Variants in CHMP4B observed in about 807,000 individuals in gnomAD.
CHMP4B encodes the protein SNF7 homolog associated with Alix 1.
A neutral mutation model predicts 25.1 loss-of-function variants in CHMP4B; 1 was observed. The ratio of observed to expected loss-of-function variants is 0.04; its 90% confidence interval spans 0.01 to 0.19. The LOEUF (loss-of-function observed/expected upper bound fraction) is 0.19. Ranked by LOEUF, CHMP4B falls within the 10% of genes least tolerant of loss-of-function variation. The pLI is 1.00. For synonymous variants in CHMP4B, 101 were observed against 115.6 expected, an observed-to-expected ratio of 0.87 and a Z score of 0.81; for missense variants, 151 against 289.7, an observed-to-expected ratio of 0.52 and a Z score of 3.48.
rs2626522 is a variant in CHMP4B at position 33,811,394 on chromosome 20, C to G, written c.-75C>G. On this transcript the variant is annotated 5_prime_UTR_variant, in exon 1 of 5. Coordinates refer to ENST00000217402, the MANE Select transcript of CHMP4B (RefSeq NM_176812.5). ...GAGCGGCGGGACTGGGAGCGGGCGC[C>G]GGAGCCGACCCGAGCCGAGCCGAGC... 590,173 of 1,232,268 alleles carry G rather than the reference C, an allele frequency of 0.48. 146,709 individuals are homozygous for G. Among genetic ancestry groups the G allele is most frequent in the East Asian group, 0.91 (27,613 of 30,318 alleles). 76.3% of individuals were successfully genotyped at this position (1,232,268 alleles called of 1,614,324 possible). A position where few individuals can be genotyped will look rare whatever the true frequency, so the allele number is the denominator to read the frequency against.
chr20:33,813,164 G>A (rs75084136), intron 1 of CHMP4B, among the ~76,000 whole-genome samples: 1 of 151,900 alleles, frequency 6.6e-6, no homozygotes, highest in Non-Finnish European at 1.5e-5. Flanking sequence ...AAAAAAGGGG[G>A]AGGAGCCTTC....
At chr20:33,852,240 A>G (rs1256269552) in intron 4 of CHMP4B, 37 bp downstream of exon 4, 2 of 1,613,242 alleles carry the variant, frequency 1.2e-6, no homozygotes, top group Non-Finnish European at 1.7e-6. Context: ...CCGTGAGGTC[A>G]TGTGGCAGGT....
intron 1 of CHMP4B, among the ~76,000 whole-genome samples, chr20:33,832,810 G>A (rs187764998): frequency 8.1e-4 from 115 of 142,426 alleles, no homozygotes; most frequent in African/African-American, 2.9e-3. Context: ...ACAGGGTCTC[G>A]TTCTGTTGCC....
chr20:33,853,598 T>C lies in CHMP4B; in HGVS notation c.*38T>C, dbSNP rs182909591. ...CTGGCTGGGCCCAGACAGACTGTGG[T>C]GGCCTGCGCAGCGAGCAGGCGTGTG... On this transcript the variant is annotated 3_prime_UTR_variant, in exon 5 of 5. Transcript: ENST00000217402. The C allele has an allele frequency of 5.4e-4, 864 of 1,588,986 alleles. 9 individuals are homozygous for C. In the African/African-American group the frequency reaches 9.6e-3, roughly 18 times the overall value.
chr20:33,821,889 T>C (rs1208351928), intron 1 of CHMP4B, among the ~76,000 whole-genome samples: 1 of 152,166 alleles, frequency 6.6e-6, no homozygotes, highest in African/African-American at 2.4e-5. Context: ...AGATCTTGGC[T>C]CACTGTAACC....
chr20:33,821,302 G>A (rs775904250), intron 1 of CHMP4B, among the ~76,000 whole-genome samples: 3 of 150,006 alleles, frequency 2.0e-5, no homozygotes, highest in Admixed American at 6.7e-5. Context: ...CAGGAGAATC[G>A]CTTGAACCAC....
chr20:33,851,101 A>G lies in CHMP4B; in HGVS notation c.483+35A>G, dbSNP rs745999954. 7 of 1,283,462 alleles carry G rather than the reference A, an allele frequency of 5.5e-6. No individual in the cohort carries two copies. The East Asian group carries it at 1.4e-4, about 25-fold the overall frequency. The allele number at this position is 1,283,462 out of a possible 1,614,324, so 79.5% of individuals were successfully genotyped here. A position where few individuals can be genotyped will look rare whatever the true frequency, so the allele number is the denominator to read the frequency against. On this transcript the variant is annotated intron_variant, in intron 3 of 4. Coordinates refer to ENST00000217402, the MANE Select transcript of CHMP4B (RefSeq NM_176812.5). ...TTTGTACAGATCCCATAAGCTTCAC[A>G]AATGATACCCTGAGGCTGTCCCTTG...
intron 1 of CHMP4B, among the ~76,000 whole-genome samples, chr20:33,831,373 A>G (rs1396203652): frequency 2.2e-4 from 34 of 152,056 alleles, no homozygotes; most frequent in Admixed American, 2.2e-3. Flanking sequence ...GGCATGAGCC[A>G]CTGCACCCGG....
At chr20:33,813,721 TTTTGTTTG>T (rs373460449) in intron 1 of CHMP4B, among the ~76,000 whole-genome samples, 19 of 152,002 alleles carry the variant, frequency 1.2e-4, no homozygotes, top group Admixed American at 2.0e-4. Flanking sequence ...GAGTTTGTTT[TTTTGTTTG>T]TTTGTTTGTT....
chr20:33,841,664 A>G (rs150565670), intron 1 of CHMP4B, among the ~76,000 whole-genome samples: 3 of 152,342 alleles, frequency 2.0e-5, no homozygotes, highest in African/African-American at 7.2e-5. Context: ...AGGTGTATCA[A>G]CAGCACTCAT....
intron 1 of CHMP4B, among the ~76,000 whole-genome samples, chr20:33,831,839 C>G (rs1274230932): frequency 6.6e-6 from 1 of 152,008 alleles, no homozygotes; most frequent in Non-Finnish European, 1.5e-5. Context: ...TTTTTAATTG[C>G]GCTAAGGTAT....
rs563155854 is a variant in CHMP4B at position 33,850,986 on chromosome 20, A to C, written c.403A>C (p.Ile135Leu). ...IDKVDELMQDIADQQELAEEI... is the reference protein window; with the variant it reads ...IDKVDELMQDLADQQELAEEI... Reference sequence around the variant, plus strand: ...TAAAGTTGATGAGTTAATGCAGGACATTGCTGACCAGCAAGAACTTGCAGA... The same window carrying C: ...TAAAGTTGATGAGTTAATGCAGGACCTTGCTGACCAGCAAGAACTTGCAGA... Residue 135 changes from isoleucine to leucine, a missense_variant, in exon 3 of 5, where the codon ATT becomes CTT. By Grantham distance (5) the Ile-to-Leu change is conservative. This residue lies in a region of CHMP4B where 82 missense variants were observed against 208.3 expected (regional missense o/e 0.39). Coordinates refer to ENST00000217402, the MANE Select transcript of CHMP4B (RefSeq NM_176812.5). 1.3e-5 allele frequency: 21 copies of C among 1,614,092 alleles called. No homozygotes were observed. In the South Asian group the frequency reaches 2.2e-4, roughly 17 times the overall value.
intron 1 of CHMP4B, among the ~76,000 whole-genome samples, chr20:33,817,425 A>C (rs1219640998): frequency 1.3e-5 from 2 of 152,206 alleles, no homozygotes; most frequent in Non-Finnish European, 2.9e-5. Context: ...GTAACTCAAG[A>C]TAGATTTTGT....
In CHMP4B at chr20:33,826,292, C is replaced by T. The variant is rs140838205; in HGVS notation, c.190+14634C>T. Among the ~76,000 whole-genome samples, 344 of 152,082 alleles carry T rather than the reference C, an allele frequency of 2.3e-3. 1 individual carries two copies. Among genetic ancestry groups the T allele is most frequent in the Middle Eastern group, 0.017 (5 of 294 alleles). On this transcript the variant is annotated intron_variant, in intron 1 of 4. Coordinates refer to ENST00000217402, the MANE Select transcript of CHMP4B (RefSeq NM_176812.5). Reference sequence around the variant, plus strand: ...GAAGGAGGAGGCTGGTAGGACCATTCGAGGCCGAGGAGACTGTGGGACCCA... The same window carrying T: ...GAAGGAGGAGGCTGGTAGGACCATTTGAGGCCGAGGAGACTGTGGGACCCA...
chr20:33,845,947 A>C (rs1174718353), intron 1 of CHMP4B, among the ~76,000 whole-genome samples: 1 of 152,108 alleles, frequency 6.6e-6, no homozygotes, highest in Non-Finnish European at 1.5e-5. Flanking sequence ...GCTTATGGAG[A>C]GAATTCTAAC....
In CHMP4B at chr20:33,853,650, G is replaced by T; in HGVS notation, c.*90G>T. The T allele has an allele frequency of 8.5e-7, 1 of 1,178,908 alleles. No individual in the cohort carries two copies. 73.0% of individuals were successfully genotyped at this position (1,178,908 alleles called of 1,614,324 possible). On this transcript the variant is annotated 3_prime_UTR_variant, in exon 5 of 5. Transcript: ENST00000217402. ...GTGTGTGGGGCAGGCAGGATGTGGT[G>T]CAGGCAGGTTCCATCGCTTTCGACT...
At chr20:33,817,931 G>A (rs746744023) in intron 1 of CHMP4B, among the ~76,000 whole-genome samples, 23 of 152,282 alleles carry the variant, frequency 1.5e-4, no homozygotes, top group Non-Finnish European at 2.9e-4. Flanking sequence ...TAGGTGGAAG[G>A]TGTGGTGATG....
chr20:33,845,397 A>G (rs1979661136), intron 1 of CHMP4B, among the ~76,000 whole-genome samples: 1 of 149,604 alleles, frequency 6.7e-6, no homozygotes, highest in Admixed American at 6.7e-5. Flanking sequence ...GTCTCAGCTC[A>G]CTGCAGCCTC....
chr20:33,820,265 T>C (rs1034053603), intron 1 of CHMP4B, among the ~76,000 whole-genome samples: 10 of 152,138 alleles, frequency 6.6e-5, no homozygotes, highest in African/African-American at 2.4e-4. Context: ...TATGAGATCC[T>C]CAGGTGGTTT....
Sources: gnomAD v4.1 joint callset for allele counts (sites outside exome capture counted in the v4.1 genomes callset) on GRCh38, gnomAD v4.1.1 for gene constraint, gnomAD v4.1.1 regional missense constraint, MANE v1.5 for transcripts, NCBI Gene and HGNC (gene_info 2026-07-23, HGNC 2026-07-21) for gene names.